The following AGPAT3 variants were observed in gnomAD, a reference collection of about 807,000 sequenced individuals.
AGPAT3 encodes the protein 1-acylglycerol-3-phosphate O-acyltransferase 3.
Under a neutral mutation model 47.3 loss-of-function variants are expected in AGPAT3, and 5 were observed. That is an observed-to-expected ratio of 0.11 (90% CI 0.06 to 0.22). AGPAT3 has a LOEUF of 0.22. Ranked by LOEUF, AGPAT3 falls within the 10% of genes least tolerant of loss-of-function variation. AGPAT3 has a pLI of 1.00. For synonymous variants in AGPAT3, 212 were observed against 208.3 expected (o/e 1.02, Z -0.15); for missense variants, 315 against 493.0 (o/e 0.64, Z 3.42).
rs1291860757 is a variant in AGPAT3 at position 43,952,696 on chromosome 21, C to T, written c.-48-6938C>T. ...CGCTGGCACCAAGCTTCTGGGCGAC[C>T]TAAACCTGTTGTTTAATGAAGGGGC... is the stretch of plus-strand genomic sequence containing the variant. On this transcript the variant is annotated intron_variant, in intron 2 of 9. Transcript: ENST00000291572. The surrounding 1 kb of genome is among the most constrained non-coding windows in gnomAD (Gnocchi z 5.6). Among the ~76,000 whole-genome samples, 1 of 151,974 alleles carries T rather than the reference C, an allele frequency of 6.6e-6. No homozygotes were observed. Among genetic ancestry groups the T allele is most frequent in the East Asian group, 1.9e-4 (1 of 5,170 alleles).
At chr21:43,886,164 G>A (rs1185914616) in intron 1 of AGPAT3, among the ~76,000 whole-genome samples, 1 of 152,142 alleles carries the variant, frequency 6.6e-6, no homozygotes, top group Non-Finnish European at 1.5e-5. Flanking sequence ...GATGGTTAGG[G>A]GAGGGAGTCA....
intron 2 of AGPAT3, among the ~76,000 whole-genome samples, chr21:43,937,094 G>T (rs139625836): frequency 6.6e-6 from 1 of 152,138 alleles, no homozygotes; most frequent in Non-Finnish European, 1.5e-5. Context: ...AGAACACCCC[G>T]CCTGCAAACC....
intron 2 of AGPAT3, among the ~76,000 whole-genome samples, chr21:43,906,268 A>G (rs1004870384): frequency 6.6e-6 from 1 of 152,116 alleles, no homozygotes; most frequent in Non-Finnish European, 1.5e-5. Flanking sequence ...CATGCCACGT[A>G]TCACTTTTGG....
Position 43,887,586 on chromosome 21 carries a change from GCA to G in AGPAT3, c.-111-16356_-111-16355del, listed in dbSNP as rs144954422. On this transcript the variant is annotated intron_variant, in intron 1 of 9. Transcript: ENST00000291572. Reference sequence around the variant, plus strand: ...TTGAGGAATAAAAGCGTGCGCACACGCACACACACACACACAACTGCGCTCTC... The same window carrying G: ...TTGAGGAATAAAAGCGTGCGCACACGCACACACACACACAACTGCGCTCTC... Among the ~76,000 whole-genome samples, 10 of 151,390 alleles carry G rather than the reference GCA, an allele frequency of 6.6e-5. No homozygotes were observed. In the East Asian group the frequency reaches 7.7e-4, roughly 12 times the overall value.
At chr21:43,961,731 T>G (rs1258770930) in intron 3 of AGPAT3, among the ~76,000 whole-genome samples, 2 of 151,920 alleles carry the variant, frequency 1.3e-5, no homozygotes, top group Non-Finnish European at 2.9e-5. Flanking sequence ...TTGTCTCATA[T>G]GGAAAACGGT....
At chr21:43,938,635 T>C (rs1194660216) in intron 2 of AGPAT3, among the ~76,000 whole-genome samples, 1 of 152,188 alleles carries the variant, frequency 6.6e-6, no homozygotes, top group Non-Finnish European at 1.5e-5. Context: ...TCCAGCCCTA[T>C]AAATAGTCAT....
chr21:43,944,487 C>T (rs544011084), intron 2 of AGPAT3, among the ~76,000 whole-genome samples: 8 of 152,228 alleles, frequency 5.3e-5, no homozygotes, highest in Admixed American at 2.6e-4. Context: ...GAGAGGAGGC[C>T]GCGGGAGTCA....
At chr21:43,945,010 C>T (rs572524474) in intron 2 of AGPAT3, among the ~76,000 whole-genome samples, 10 of 152,342 alleles carry the variant, frequency 6.6e-5, no homozygotes, top group South Asian at 2.1e-4. Flanking sequence ...GCCAGCAAGT[C>T]GGACCCTTTC....
At chr21:43,869,575 G>T (rs1004686453) in intron 1 of AGPAT3, among the ~76,000 whole-genome samples, 1 of 152,198 alleles carries the variant, frequency 6.6e-6, no homozygotes, top group South Asian at 2.1e-4. Flanking sequence ...AGAGGATGGT[G>T]GGGGAGCACC....
In AGPAT3 at chr21:43,969,165, C is replaced by T. The variant is rs777102711; in HGVS notation, c.396C>T (p.Ile132=). Residue 132 remains isoleucine, a synonymous_variant, in exon 5 of 10, where the codon ATC becomes ATT. Coordinates refer to ENST00000291572, the MANE Select transcript of AGPAT3 (RefSeq NM_020132.5). ...AKKELLYVPL[I]GWTWYFLEIV... is the part of the protein sequence containing the mutation. ...AGGAGCTGCTCTACGTGCCCCTCAT[C>T]GGCTGGACGTGGTACTTTCTGGAGA... The T allele has an allele frequency of 4.7e-5, 76 of 1,614,080 alleles. No individual in the cohort carries two copies. Among genetic ancestry groups the T allele is most frequent in the Admixed American group, 2.0e-4 (12 of 60,000 alleles).
rs115667440 is a variant in AGPAT3 at position 43,886,378 on chromosome 21, C to T, written c.-111-17579C>T. Reference sequence around the variant, plus strand: ...AAGTGATTCTCATGCCTCAGTCTCCCGAATAGCTGGGATTACAGCCATATG... The same window carrying T: ...AAGTGATTCTCATGCCTCAGTCTCCTGAATAGCTGGGATTACAGCCATATG... On this transcript the variant is annotated intron_variant, in intron 1 of 9. Transcript: ENST00000291572. 6.6e-3 allele frequency among the ~76,000 whole-genome samples: 1,003 copies of T among 152,114 alleles called. 10 individuals are homozygous for T. The highest frequency in any genetic ancestry group is 0.023 in the African/African-American group (947 of 41,472).
chr21:43,901,849 G>T (rs1329638641), intron 1 of AGPAT3, among the ~76,000 whole-genome samples: 1 of 152,194 alleles, frequency 6.6e-6, no homozygotes. Flanking sequence ...ATTAGACATT[G>T]CAGAAGAAAA....
At chr21:43,873,181 G>GT (rs2085658708) in intron 1 of AGPAT3, among the ~76,000 whole-genome samples, 2 of 152,202 alleles carry the variant, frequency 1.3e-5, no homozygotes, top group African/African-American at 4.8e-5. Flanking sequence ...AGTGGCATGG[G>GT]TGTTGGAGTC....
At chr21:43,876,939 A>G (rs1358519558) in intron 1 of AGPAT3, among the ~76,000 whole-genome samples, 1 of 151,816 alleles carries the variant, frequency 6.6e-6, no homozygotes, top group South Asian at 2.1e-4. Context: ...GCTTACTGCA[A>G]CCTCCGCCTC....
Position 43,959,621 on chromosome 21 carries a change from CCT to C in AGPAT3, c.-48-12_-48-11del, listed in dbSNP as rs772674157. On this transcript the variant is annotated splice_polypyrimidine_tract_variant and intron_variant, in intron 2 of 9. Coordinates refer to ENST00000291572, the MANE Select transcript of AGPAT3 (RefSeq NM_020132.5). ...TGGCCACCCTGACGCTGTCCCTGTC[CCT>C]GTCTTTGCAGGACGGCTGTCCTCAG... 6.2e-7 allele frequency: 1 copy of C among 1,602,318 alleles called. No homozygotes were observed. The highest frequency in any genetic ancestry group is 1.7e-5 in the Admixed American group (1 of 59,958).
chr21:43,941,191 T>C (rs2087642602), intron 2 of AGPAT3, among the ~76,000 whole-genome samples: 1 of 152,116 alleles, frequency 6.6e-6, no homozygotes, highest in African/African-American at 2.4e-5. Context: ...AGACCACAGC[T>C]CCCCTGGAGG....
intron 2 of AGPAT3, among the ~76,000 whole-genome samples, chr21:43,947,810 A>T (rs1426652762): frequency 6.6e-6 from 1 of 151,564 alleles, no homozygotes; most frequent in Non-Finnish European, 1.5e-5. Flanking sequence ...CACCCGGCTA[A>T]TTTTTTGTAT....
intron 8 of AGPAT3, among the ~76,000 whole-genome samples, chr21:43,979,127 C>T (rs774750935): frequency 4.6e-5 from 7 of 151,784 alleles, no homozygotes; most frequent in Non-Finnish European, 8.8e-5. Flanking sequence ...GGTGAAACCC[C>T]GTCTCTACTA....
intron 1 of AGPAT3, among the ~76,000 whole-genome samples, chr21:43,895,070 T>C (rs1195164426): frequency 6.6e-6 from 1 of 152,028 alleles, no homozygotes; most frequent in East Asian, 1.9e-4. Flanking sequence ...GAGATATATC[T>C]TGTGTCATTT....
Sources: gnomAD v4.1 joint callset for allele counts (sites outside exome capture counted in the v4.1 genomes callset) on GRCh38, gnomAD v4.1.1 for gene constraint, Gnocchi (gnomAD v3.1) non-coding constraint, MANE v1.5 for transcripts, NCBI Gene and HGNC (gene_info 2026-07-23, HGNC 2026-07-21) for gene names.